ATG14: variants seen among roughly 807,000 people sequenced by gnomAD.
ATG14 encodes the protein autophagy related 14.
ATG14 carries 35 observed loss-of-function variants against 60.4 expected under a neutral mutation model. The ratio of observed to expected loss-of-function variants is 0.58; its 90% CI spans 0.44 to 0.77. The LOEUF is 0.77. Among genes scored for constraint, ATG14 ranks in the 30% least tolerant of loss-of-function variants. The pLI is 0.00. For synonymous variants in ATG14, 234 were observed against 228.8 expected (o/e 1.02, Z -0.21); for missense variants, 647 against 626.3 (o/e 1.03, Z -0.35).
At position 55,366,883 on chromosome 14, in the gene ATG14, CAG is replaced by C. The variant is rs1214233285; in HGVS notation, c.*2734_*2735del. On this transcript the variant is annotated 3_prime_UTR_variant, in exon 10 of 10. Coordinates refer to ENST00000247178, the MANE Select transcript of ATG14 (RefSeq NM_014924.5). Reference sequence around the variant, plus strand: ...TGAGCAGCAAAAAGAGTAGAAAAAACAGTGGTTGAAATGTATACTTAAGAGTA... The same window carrying C: ...TGAGCAGCAAAAAGAGTAGAAAAAACTGGTTGAAATGTATACTTAAGAGTA... 3.3e-5 allele frequency: 5 copies of C among 151,884 alleles called. No individual in the cohort carries two copies. The highest frequency in any genetic ancestry group is 1.5e-5 in the Non-Finnish European group (1 of 68,032). 9.4% of individuals were successfully genotyped at this position (151,884 alleles called of 1,614,324 possible).
intron 1 of ATG14, among the ~76,000 whole-genome samples, chr14:55,403,649 G>A (rs182480532): frequency 5.3e-4 from 80 of 152,068 alleles, no homozygotes; most frequent in South Asian, 2.9e-3. Context: ...ATGAAAAGAC[G>A]TTTAGGTATG....
At chr14:55,381,690 A>C (rs755003166) in intron 6 of ATG14, among the ~76,000 whole-genome samples, 15 of 152,250 alleles carry the variant, frequency 9.9e-5, no homozygotes, top group Non-Finnish European at 2.1e-4. Context: ...TAAGCTGCCC[A>C]GAACAGGCAA....
At chr14:55,376,200 T>C (rs1884916871) in intron 9 of ATG14, among the ~76,000 whole-genome samples, 1 of 152,228 alleles carries the variant, frequency 6.6e-6, no homozygotes, top group Admixed American at 6.5e-5. Flanking sequence ...TAAGCGTCAG[T>C]TTCTCCTGTC....
Position 55,369,944 on chromosome 14 carries a change from G to A in ATG14, c.1173-19C>T. The A allele has an allele frequency of 6.4e-7, 1 of 1,570,492 alleles. No homozygotes were observed. Among genetic ancestry groups the A allele is most frequent in the Non-Finnish European group, 8.7e-7 (1 of 1,155,958 alleles). On this transcript the variant is annotated intron_variant, in intron 9 of 9. Transcript: ENST00000247178. ...CCCTGACCTGTGTGCAGACAATGAG[G>A]GTCTCTTTAGGATAACAACCATTCT...
At chr14:55,388,104 T>C (rs1885155697) in intron 4 of ATG14, among the ~76,000 whole-genome samples, 1 of 152,094 alleles carries the variant, frequency 6.6e-6, no homozygotes, top group Admixed American at 6.5e-5. Context: ...GCCACTGCAC[T>C]CCAGCCTGGG....
chr14:55,394,976 G>A, intron 3 of ATG14: 3 of 429,548 alleles, frequency 7.0e-6, no homozygotes, highest in South Asian at 5.1e-5. Flanking sequence ...CACTTCAAAG[G>A]GGCTCTCCTC....
chr14:55,379,568 T>C (rs1408977742), intron 7 of ATG14, among the ~76,000 whole-genome samples: 2 of 152,088 alleles, frequency 1.3e-5, no homozygotes, highest in Non-Finnish European at 2.9e-5. Context: ...AAGTAAACTT[T>C]TAATTTTTTA....
chr14:55,380,875 A>ATATATATT (rs377330757), intron 6 of ATG14, among the ~76,000 whole-genome samples, 185 bp from the exon 7 acceptor site: 85 of 112,704 alleles, frequency 7.5e-4, no homozygotes, highest in African/African-American at 3.0e-3. Flanking sequence ...ATATATATAT[A>ATATATATT]TTTTTTTTTT....
intron 1 of ATG14, among the ~76,000 whole-genome samples, chr14:55,406,228 T>A (rs1009261270): frequency 6.6e-5 from 10 of 152,036 alleles, no homozygotes; most frequent in African/African-American, 2.4e-4. Context: ...TAATGAAACC[T>A]GAAAAAAATA....
intron 7 of ATG14, among the ~76,000 whole-genome samples, chr14:55,378,362 T>C (rs1350902439): frequency 6.6e-6 from 1 of 152,214 alleles, no homozygotes; most frequent in Non-Finnish European, 1.5e-5. Context: ...TACAAGATTA[T>C]TTCTTGAAGC....
At chr14:55,398,429 C>T (rs1175085949) in intron 1 of ATG14, among the ~76,000 whole-genome samples, 1 of 152,116 alleles carries the variant, frequency 6.6e-6, no homozygotes, top group Non-Finnish European at 1.5e-5. Flanking sequence ...CTTCTATGCA[C>T]TGTTATAGCT....
At chr14:55,381,187 C>A (rs1348365263) in intron 6 of ATG14, among the ~76,000 whole-genome samples, 5 of 152,098 alleles carry the variant, frequency 3.3e-5, no homozygotes, top group Non-Finnish European at 5.9e-5. Flanking sequence ...CAAAGGGCCA[C>A]CTCTGTCTTG....
rs144919020 is a variant in ATG14, at chr14:55,369,702, C to T, written c.1396G>A (p.Ala466Thr). ...ATCATCCCACCTGCACTGCTGCTCGCGATGGGTGGGGACGCCTGGGTGCTC... is the reference window on the plus strand; with the variant it reads ...ATCATCCCACCTGCACTGCTGCTCGTGATGGGTGGGGACGCCTGGGTGCTC... ...SQSTQASPPI[A>T]SSSAGGMISS... The change falls in exon 10 of 10, where the codon GCG becomes ACG. Residue 466 changes from alanine to threonine, a missense_variant. By Grantham distance (58) the Ala-to-Thr change is moderately conservative (BLOSUM62 0). Coordinates refer to ENST00000247178, the MANE Select transcript of ATG14 (RefSeq NM_014924.5). 28 of 1,607,390 alleles carry T rather than the reference C, an allele frequency of 1.7e-5. No homozygotes were observed. The highest frequency in any genetic ancestry group is 1.3e-4 in the African/African-American group (10 of 74,808).
At chr14:55,404,631 G>C (rs1885460602) in intron 1 of ATG14, among the ~76,000 whole-genome samples, 1 of 152,174 alleles carries the variant, frequency 6.6e-6, no homozygotes, top group African/African-American at 2.4e-5. Context: ...GGCATTCCAG[G>C]AATCTTCACA....
Sources: gnomAD v4.1 joint callset for allele counts (sites outside exome capture counted in the v4.1 genomes callset) on GRCh38, gnomAD v4.1.1 for gene constraint, MANE v1.5 for transcripts, NCBI Gene and HGNC (gene_info 2026-07-23, HGNC 2026-07-21) for gene names.